Variants in AHI1 observed in about 807,000 individuals in gnomAD.
AHI1 encodes jouberin.
A neutral mutation model predicts 149.3 loss-of-function variants in AHI1; 123 were observed. That is an observed-to-expected ratio of 0.82 (90% confidence interval 0.71 to 0.96). AHI1 has a LOEUF of 0.96. AHI1 is among the 40% of genes least tolerant of loss of function. AHI1 has a pLI of 0.00. For synonymous variants in AHI1, 475 were observed against 459.8 expected, an observed-to-expected ratio of 1.03 and a Z score of -0.42; for missense variants, 1,439 against 1,422.7, an observed-to-expected ratio of 1.01 and a Z score of -0.18.
At chr6:135,363,978 G>A (rs1794433736) in intron 23 of AHI1, among the ~76,000 whole-genome samples, 1 of 148,802 alleles carries the variant, frequency 6.7e-6, no homozygotes, top group Non-Finnish European at 1.5e-5. Flanking sequence ...CGGGGCGGCT[G>A]GCCGGGCAGA....
chr6:135,338,394 T>C (rs1789753887), intron 24 of AHI1, among the ~76,000 whole-genome samples: 1 of 151,542 alleles, frequency 6.6e-6, no homozygotes, highest in African/African-American at 2.4e-5. Flanking sequence ...CATAAGGAAA[T>C]GTAGACAGTT....
chr6:135,395,399 T>A (rs182065559), intron 22 of AHI1, among the ~76,000 whole-genome samples: 1 of 151,908 alleles, frequency 6.6e-6, no homozygotes, highest in East Asian at 1.9e-4. Flanking sequence ...ATAGTATCCA[T>A]TGCATCAAAA....
At chr6:135,489,403 C>G (rs537928279) in intron 5 of AHI1, among the ~76,000 whole-genome samples, 13 of 152,236 alleles carry the variant, frequency 8.5e-5, no homozygotes, top group African/African-American at 2.9e-4. Flanking sequence ...GCTCACAACT[C>G]CCAGTTCTTT....
intron 5 of AHI1, among the ~76,000 whole-genome samples, chr6:135,476,183 A>G (rs906556461): frequency 2.0e-5 from 3 of 152,022 alleles, no homozygotes; most frequent in African/African-American, 7.2e-5. Flanking sequence ...ATATGTTCTA[A>G]TTCTTTTGTG....
chr6:135,473,885 T>C (rs2128109401), intron 5 of AHI1, among the ~76,000 whole-genome samples: 1 of 152,324 alleles, frequency 6.6e-6, no homozygotes, highest in African/African-American at 2.4e-5. Flanking sequence ...GTTCTATTTA[T>C]GATGGTTCAA....
intron 27 of AHI1, among the ~76,000 whole-genome samples, chr6:135,300,161 C>A (rs1783673570): frequency 6.6e-6 from 1 of 151,812 alleles, no homozygotes; most frequent in East Asian, 1.9e-4. Context: ...CCTGTCTCTA[C>A]TAAAAATACA....
intron 14 of AHI1, among the ~76,000 whole-genome samples, chr6:135,440,443 T>C (rs190597253): frequency 7.0e-4 from 107 of 152,232 alleles, no homozygotes; most frequent in African/African-American, 2.6e-3. Context: ...GGGACACTGA[T>C]AAACTCCAAA....
At chr6:135,396,407 T>A (rs1296044447) in intron 22 of AHI1, among the ~76,000 whole-genome samples, 1 of 151,766 alleles carries the variant, frequency 6.6e-6, no homozygotes, top group Non-Finnish European at 1.5e-5. Context: ...AAAGCAATAA[T>A]GATGAACGGG....
intron 26 of AHI1, among the ~76,000 whole-genome samples, chr6:135,312,007 G>C (rs938306455): frequency 1.1e-4 from 17 of 152,212 alleles, no homozygotes; most frequent in African/African-American, 3.9e-4. Flanking sequence ...ATTAGCAACA[G>C]AGCAGGTGTG....
chr6:135,374,108 ATTTTTTTTT>A (rs869245989), intron 23 of AHI1, among the ~76,000 whole-genome samples: 926 of 49,670 alleles, frequency 0.019, 14 homozygotes, highest in African/African-American at 0.058. Flanking sequence ...ATATATATAT[ATTTTTTTTT>A]TTTTTTTTTT....
chr6:135,415,829 A>T (rs1026378667), intron 20 of AHI1, among the ~76,000 whole-genome samples: 1 of 152,210 alleles, frequency 6.6e-6, no homozygotes, highest in African/African-American at 2.4e-5. Flanking sequence ...CCAACAATAT[A>T]AAGAATAAAC....
At chr6:135,360,809 C>G (rs371931130) in intron 23 of AHI1, among the ~76,000 whole-genome samples, 76 of 152,168 alleles carry the variant, frequency 5.0e-4, no homozygotes, top group African/African-American at 1.7e-3. Context: ...TAGAATAAAT[C>G]GACCTATCAA....
chr6:135,301,346 T>C (rs1783860886), intron 26 of AHI1: 1 of 968,526 alleles, frequency 1.0e-6, no homozygotes, highest in Non-Finnish European at 1.2e-6. Flanking sequence ...CATATGTTCC[T>C]AATTATTTCA....
rs755246809 is a variant in AHI1 at position 135,404,950 on chromosome 6, CT to C, written c.2988del (p.Val997SerfsTer20). 2.1e-4 allele frequency: 342 copies of C among 1,608,248 alleles called. 1 individual carries two copies. The South Asian group carries it at 3.5e-3, about 17-fold the overall frequency. ...VTEVIRSCAA[K>X]VNKNLSFTSP... is the part of the protein sequence containing the mutation. Reference sequence around the variant, plus strand: ...TCTTCCTGGTAATAAAAACTACTTACTTTTGCAGCACAGGAACGTATCACCT... The same window carrying C: ...TCTTCCTGGTAATAAAAACTACTTACTTTGCAGCACAGGAACGTATCACCT... On this transcript the variant is annotated frameshift_variant and splice_region_variant, in exon 22 of 29. Coordinates refer to ENST00000265602, the MANE Select transcript of AHI1 (RefSeq NM_001134831.2). LOFTEE classifies it high-confidence loss of function.
chr6:135,434,204 A>G (rs1785055010), intron 15 of AHI1, among the ~76,000 whole-genome samples: 1 of 152,056 alleles, frequency 6.6e-6, no homozygotes, highest in African/African-American at 2.4e-5. Flanking sequence ...AGAGAAAAAA[A>G]AACAGTTTCT....
chr6:135,411,312 T>C (rs1781553037), intron 21 of AHI1, 36 bp downstream of exon 21: 18 of 1,560,530 alleles, frequency 1.2e-5, no homozygotes, highest in Non-Finnish European at 1.5e-5. Context: ...AGGATAGAAA[T>C]AGTTTTAAAG....
Position 135,318,610 on chromosome 6 carries a change from T to A in AHI1, c.3335A>T (p.Tyr1112Phe), listed in dbSNP as rs762102067. The part of the protein sequence containing the change: ...PANHVASETL[Y>F]QELPPEIKER... ...CTTTATCTCAGGAGGCAGTTCTTGATACAGTGCTGAAATTGGAAAAAGGAA... is the reference window on the plus strand; with the variant it reads ...CTTTATCTCAGGAGGCAGTTCTTGAAACAGTGCTGAAATTGGAAAAAGGAA... The change falls in exon 26 of 29, where the codon TAT becomes TTT. Residue 1112 changes from tyrosine to phenylalanine, a missense_variant. Physicochemically the swap from Tyr to Phe is conservative, Grantham distance 22. Coordinates refer to ENST00000265602, the MANE Select transcript of AHI1 (RefSeq NM_001134831.2). 3.8e-6 allele frequency: 6 copies of A among 1,599,560 alleles called. No homozygotes were observed. In the East Asian group the frequency reaches 6.7e-5, roughly 18 times the overall value.
intron 5 of AHI1, among the ~76,000 whole-genome samples, chr6:135,472,457 C>A (rs1791905204): frequency 6.6e-6 from 1 of 152,216 alleles, no homozygotes; most frequent in South Asian, 2.1e-4. Flanking sequence ...TGAATTATTT[C>A]CAGTTTTGTG....
intron 5 of AHI1, among the ~76,000 whole-genome samples, chr6:135,475,991 T>A (rs1792567070): frequency 6.6e-6 from 1 of 152,236 alleles, no homozygotes; most frequent in South Asian, 2.1e-4. Flanking sequence ...CTCTTCTTAT[T>A]TCTATCCTGT....
Sources: gnomAD v4.1 joint callset for allele counts (sites outside exome capture counted in the v4.1 genomes callset) on GRCh38, gnomAD v4.1.1 for gene constraint, MANE v1.5 for transcripts, NCBI Gene and HGNC (gene_info 2026-07-23, HGNC 2026-07-21) for gene names.